VTI1A: variants seen among roughly 807,000 people sequenced by gnomAD.
VTI1A encodes vesicle transport through interaction with t-SNAREs 1A.
Under a neutral mutation model 34.9 loss-of-function variants are expected in VTI1A, and 22 were observed. The ratio of observed to expected loss-of-function variants is 0.63; its 90% CI spans 0.45 to 0.90. The LOEUF (loss-of-function observed/expected upper bound fraction) is 0.90, where lower values mean the gene tolerates loss of function less well. Among genes scored for constraint, VTI1A ranks in the 40% least tolerant of loss-of-function variants. The pLI is 0.00. For missense variants in VTI1A, 268 were observed against 275.6 expected, an observed-to-expected ratio of 0.97 and a Z score of 0.20; for synonymous variants, 87 against 97.3, an observed-to-expected ratio of 0.89 and a Z score of 0.62.
intron 7 of VTI1A, among the ~76,000 whole-genome samples, chr10:112,761,809 A>AT (rs1784018061): frequency 6.9e-6 from 1 of 144,712 alleles, no homozygotes. Flanking sequence ...TATGTATATG[A>AT]ATATATTAAT....
At chr10:112,688,088 G>T (rs1298138985) in intron 7 of VTI1A, among the ~76,000 whole-genome samples, 1 of 151,698 alleles carries the variant, frequency 6.6e-6, no homozygotes, top group African/African-American at 2.4e-5. Context: ...CAAGTAGCTG[G>T]GATTACAGAT....
At chr10:112,663,330 C>T (rs1288609110) in intron 5 of VTI1A, among the ~76,000 whole-genome samples, 1 of 152,214 alleles carries the variant, frequency 6.6e-6, no homozygotes, top group African/African-American at 2.4e-5. Context: ...GTTGCCACAA[C>T]TGTTTGCTCC....
At chr10:112,731,819 C>T (rs189441118) in intron 7 of VTI1A, among the ~76,000 whole-genome samples, 2 of 152,236 alleles carry the variant, frequency 1.3e-5, no homozygotes, top group Admixed American at 1.3e-4. Context: ...CATCCTTTAT[C>T]TTTGCAGGTA....
intron 7 of VTI1A, among the ~76,000 whole-genome samples, chr10:112,698,648 C>A (rs775897975): frequency 2.0e-5 from 3 of 152,224 alleles, no homozygotes; most frequent in Non-Finnish European, 2.9e-5. Flanking sequence ...TGGCTTAACA[C>A]CCTTCTGCTC....
chr10:112,512,510 G>A (rs1335210400), intron 3 of VTI1A, among the ~76,000 whole-genome samples: 1 of 152,090 alleles, frequency 6.6e-6, no homozygotes, highest in Non-Finnish European at 1.5e-5. Flanking sequence ...TCTTCACTCT[G>A]TTGATTATTT....
At chr10:112,567,050 G>C (rs1308845792) in intron 5 of VTI1A, among the ~76,000 whole-genome samples, 1 of 151,816 alleles carries the variant, frequency 6.6e-6, no homozygotes, top group Non-Finnish European at 1.5e-5. Flanking sequence ...AATTTATTTA[G>C]ACAGAGTATC....
chr10:112,474,456 T>G (rs1848210018), intron 3 of VTI1A, among the ~76,000 whole-genome samples: 1 of 150,984 alleles, frequency 6.6e-6, no homozygotes, highest in Admixed American at 6.6e-5. Context: ...CTTCATTCTT[T>G]CCTTTTTTTT....
chr10:112,640,466 T>G (rs1400573443), intron 5 of VTI1A, among the ~76,000 whole-genome samples: 2 of 151,762 alleles, frequency 1.3e-5, no homozygotes, highest in Non-Finnish European at 2.9e-5. Context: ...GGAGGAAGAG[T>G]GGACCAGCTC....
At chr10:112,543,245 A>G (rs1280565902) in intron 5 of VTI1A, among the ~76,000 whole-genome samples, 4 of 152,278 alleles carry the variant, frequency 2.6e-5, no homozygotes, top group African/African-American at 7.2e-5. Flanking sequence ...TCCTTGAGGA[A>G]TCGCCACACT....
chr10:112,505,219 A>C (rs1849385206), intron 3 of VTI1A, among the ~76,000 whole-genome samples: 2 of 152,174 alleles, frequency 1.3e-5, no homozygotes. Context: ...AGGATTATAA[A>C]AAATTAAGTT....
chr10:112,815,873 C>T lies in VTI1A; in HGVS notation c.*490C>T. ...CAAGCCAGCCCTGTTCCTACACAGG[C>T]CTCATGAATATAGTCATCAACCTGC... On this transcript the variant is annotated 3_prime_UTR_variant, in exon 8 of 8. Transcript: ENST00000393077. 4.3e-6 allele frequency: 1 copy of T among 234,972 alleles called. No homozygotes were observed. Among genetic ancestry groups the T allele is most frequent in the African/African-American group, 2.2e-5 (1 of 45,420 alleles). The allele number at this position is 234,972 out of a possible 1,614,324, so 14.6% of individuals were successfully genotyped here. A position where few individuals can be genotyped will look rare whatever the true frequency, so the allele number is the denominator to read the frequency against.
At chr10:112,591,979 C>T (rs746058361) in intron 5 of VTI1A, among the ~76,000 whole-genome samples, 7 of 152,068 alleles carry the variant, frequency 4.6e-5, no homozygotes, top group East Asian at 1.9e-4. Flanking sequence ...GAGATTTGAA[C>T]GTGAGAAGGA....
chr10:112,618,510 T>G (rs1303114122), intron 5 of VTI1A, among the ~76,000 whole-genome samples: 3,163 of 32,102 alleles, frequency 0.099, 76 homozygotes, highest in African/African-American at 0.16. Context: ...TATATATATA[T>G]ATATATATAT....
rs552972939 is a variant in VTI1A, at chr10:112,710,503, G to T, written c.560+41505G>T. On this transcript the variant is annotated intron_variant, in intron 7 of 7. Coordinates refer to ENST00000393077, the MANE Select transcript of VTI1A (RefSeq NM_145206.4). ...ATTACAGGTGTGAGCCACCACGCCC[G>T]GCTCAGTTAATGTCTCTGAATTGTA... 7.9e-5 allele frequency among the ~76,000 whole-genome samples: 12 copies of T among 152,282 alleles called. No individual in the cohort carries two copies. The East Asian group carries it at 2.1e-3, about 27-fold the overall frequency.
intron 5 of VTI1A, among the ~76,000 whole-genome samples, chr10:112,622,768 C>A (rs1017103702): frequency 2.6e-5 from 4 of 151,906 alleles, no homozygotes; most frequent in African/African-American, 9.7e-5. Flanking sequence ...TTTAAAAATG[C>A]GAATTTAAAA....
At chr10:112,479,350 C>A (rs1365325421) in intron 3 of VTI1A, among the ~76,000 whole-genome samples, 1 of 151,362 alleles carries the variant, frequency 6.6e-6, no homozygotes, top group Non-Finnish European at 1.5e-5. Context: ...GACTTTCTAA[C>A]TTTCTCTTGT....
intron 5 of VTI1A, among the ~76,000 whole-genome samples, chr10:112,572,566 T>C (rs546961031): frequency 6.6e-5 from 10 of 152,140 alleles, no homozygotes; most frequent in Admixed American, 3.9e-4. Flanking sequence ...CGGTCAGGCA[T>C]GGTGGCTCAC....
At chr10:112,692,988 G>A (rs1216612362) in intron 7 of VTI1A, among the ~76,000 whole-genome samples, 2 of 152,208 alleles carry the variant, frequency 1.3e-5, no homozygotes, top group African/African-American at 4.8e-5. Context: ...ATGAATGAAT[G>A]TCTCTCTCAC....
intron 3 of VTI1A, among the ~76,000 whole-genome samples, chr10:112,515,707 G>A (rs1849752171): frequency 6.6e-6 from 1 of 151,948 alleles, no homozygotes; most frequent in South Asian, 2.1e-4. Context: ...TTTTGACTTG[G>A]AACTTCATTA....
Sources: allele counts gnomAD v4.1 joint callset (sites outside exome capture counted in the v4.1 genomes callset), GRCh38; gene constraint gnomAD v4.1.1; transcripts MANE v1.5; gene names NCBI Gene and HGNC (gene_info 2026-07-23, HGNC 2026-07-21).